Variants in PARN observed in about 807,000 individuals in gnomAD.
PARN encodes poly(A)-specific ribonuclease.
In PARN, 71 loss-of-function variants were observed where a neutral mutation model predicts 102.8. That is an observed-to-expected ratio of 0.69 (90% CI 0.57 to 0.84). The LOEUF is 0.84. Ranked by LOEUF, PARN falls within the 40% of genes least tolerant of loss-of-function variation. PARN has a pLI of 0.00. For missense variants in PARN, 782 were observed against 760.9 expected, an observed-to-expected ratio of 1.03 and a Z score of -0.33; for synonymous variants, 261 against 252.9, an observed-to-expected ratio of 1.03 and a Z score of -0.30.
intron 22 of PARN, among the ~76,000 whole-genome samples, chr16:14,455,267 T>C (rs1234885163): frequency 1.3e-5 from 2 of 152,258 alleles, no homozygotes; most frequent in African/African-American, 2.4e-5. Context: ...TTAGACTATA[T>C]ACGGCTTCAT....
intron 13 of PARN, 114 bp downstream of exon 13, chr16:14,593,187 A>G (rs773278547): frequency 1.6e-6 from 1 of 626,264 alleles, no homozygotes; most frequent in South Asian, 2.0e-5. Flanking sequence ...AACATGCTGC[A>G]TACAAGGAAA....
intron 18 of PARN, among the ~76,000 whole-genome samples, chr16:14,569,153 A>G (rs1399281785): frequency 6.6e-6 from 1 of 152,060 alleles, no homozygotes; most frequent in African/African-American, 2.4e-5. Context: ...TGAAGGTTGC[A>G]GTGAGACGAG....
At chr16:14,451,839 T>G in intron 22 of PARN, among the ~76,000 whole-genome samples, 1 of 80,006 alleles carries the variant, frequency 1.2e-5, no homozygotes, top group Admixed American at 2.0e-4. Flanking sequence ...AGAAACCCCG[T>G]CTCTAAAAAA....
At chr16:14,606,982 CGT>C (rs1971228171) in intron 9 of PARN, among the ~76,000 whole-genome samples, 1 of 151,828 alleles carries the variant, frequency 6.6e-6, no homozygotes, top group African/African-American at 2.4e-5. Flanking sequence ...GGGGTTTCAC[CGT>C]GTTAGCCAGG....
chr16:14,508,741 A>G (rs1468284276), intron 21 of PARN, among the ~76,000 whole-genome samples: 1 of 81,664 alleles, frequency 1.2e-5, no homozygotes, highest in African/African-American at 4.6e-5. Flanking sequence ...TGGAAACTTG[A>G]AAAAAAAAAA....
At chr16:14,584,141 C>G (rs1338033286) in intron 16 of PARN, among the ~76,000 whole-genome samples, 1 of 152,148 alleles carries the variant, frequency 6.6e-6, no homozygotes, top group Non-Finnish European at 1.5e-5. Flanking sequence ...AATGGCTACC[C>G]AACTCCATTA....
chr16:14,543,703 C>T (rs1022066403), intron 21 of PARN, among the ~76,000 whole-genome samples: 2 of 151,974 alleles, frequency 1.3e-5, no homozygotes, highest in African/African-American at 4.8e-5. Context: ...AAAAAGCCAG[C>T]AGAGAAATTA....
chr16:14,451,351 G>A (rs1016622213), intron 22 of PARN, among the ~76,000 whole-genome samples: 5 of 152,060 alleles, frequency 3.3e-5, no homozygotes, highest in Admixed American at 6.6e-5. Flanking sequence ...ACTTTAACTC[G>A]TTCATCTTAT....
intron 6 of PARN, among the ~76,000 whole-genome samples, chr16:14,612,049 T>C (rs559515348): frequency 6.6e-6 from 1 of 152,254 alleles, no homozygotes; most frequent in East Asian, 1.9e-4. Context: ...GGTGTAGAGA[T>C]GGCAGGGTAG....
intron 21 of PARN, among the ~76,000 whole-genome samples, chr16:14,530,771 C>T (rs2151668456): frequency 6.6e-6 from 1 of 152,260 alleles, no homozygotes; most frequent in South Asian, 2.1e-4. Flanking sequence ...TTCCCAAGGA[C>T]TGTACCAGGG....
intron 22 of PARN, among the ~76,000 whole-genome samples, chr16:14,459,140 T>C (rs2151570718): frequency 6.6e-6 from 1 of 152,318 alleles, no homozygotes; most frequent in Non-Finnish European, 1.5e-5. Context: ...ACAACTTCTA[T>C]TCAACAATGT....
At chr16:14,613,152 A>G (rs1971622895) in intron 6 of PARN, among the ~76,000 whole-genome samples, 1 of 151,770 alleles carries the variant, frequency 6.6e-6, no homozygotes, top group Admixed American at 6.6e-5. Flanking sequence ...TCTACTAAAA[A>G]TACAAAATTA....
intron 18 of PARN, among the ~76,000 whole-genome samples, chr16:14,570,920 G>C (rs999006252): frequency 1.3e-5 from 2 of 152,090 alleles, no homozygotes; most frequent in African/African-American, 4.8e-5. Flanking sequence ...AGAAGGTTGA[G>C]GGTGCAGTGA....
At chr16:14,448,359 G>A (rs1961296143) in intron 22 of PARN, among the ~76,000 whole-genome samples, 1 of 152,126 alleles carries the variant, frequency 6.6e-6, no homozygotes. Context: ...ATGTTGGCCA[G>A]GCTGGTCTCG....
At chr16:14,608,684 C>T (rs1462051022) in intron 8 of PARN, among the ~76,000 whole-genome samples, 1 of 152,182 alleles carries the variant, frequency 6.6e-6, no homozygotes, top group African/African-American at 2.4e-5. Flanking sequence ...CTTTGAAATG[C>T]TAATGTTCTC....
In PARN at chr16:14,537,083, A is replaced by G. The variant is rs1372511826; in HGVS notation, c.1480+14938T>C. On this transcript the variant is annotated intron_variant, in intron 21 of 23. Transcript: ENST00000437198. ...TTCAGAATATACAAGAACTCAGACA[A>G]TTCAATGGCAAAGAACCCACATGAT... Among the ~76,000 whole-genome samples, 4 of 152,218 alleles carry G rather than the reference A, an allele frequency of 2.6e-5. No individual in the cohort carries two copies. In the South Asian group the frequency reaches 8.3e-4, roughly 32 times the overall value.
At chr16:14,492,235 G>A (rs1250275415) in intron 21 of PARN, among the ~76,000 whole-genome samples, 1 of 152,246 alleles carries the variant, frequency 6.6e-6, no homozygotes, top group Non-Finnish European at 1.5e-5. Context: ...AACTAGGGAA[G>A]ATAGTGGAGG....
intron 7 of PARN, among the ~76,000 whole-genome samples, chr16:14,609,751 T>C (rs1310938053): frequency 1.3e-5 from 2 of 152,156 alleles, no homozygotes; most frequent in Non-Finnish European, 2.9e-5. Flanking sequence ...CAGACACTTG[T>C]CCAAAATCAC....
Position 14,519,835 on chromosome 16 carries a change from A to G in PARN, c.1480+32186T>C, listed in dbSNP as rs140631213. Among the ~76,000 whole-genome samples, 213 of 152,306 alleles carry G rather than the reference A, an allele frequency of 1.4e-3. 1 individual carries two copies. The highest frequency in any genetic ancestry group is 5.0e-3 in the African/African-American group (209 of 41,552). On this transcript the variant is annotated intron_variant, in intron 21 of 23. Transcript: ENST00000437198. ...GACAAGTAAAAGTTTCTCTTTATAG[A>G]TATATTCCAACTAATAAAAGAAAAA...
Sources: gnomAD v4.1 joint callset for allele counts (sites outside exome capture counted in the v4.1 genomes callset) on GRCh38, gnomAD v4.1.1 for gene constraint, MANE v1.5 for transcripts, NCBI Gene and HGNC (gene_info 2026-07-23, HGNC 2026-07-21) for gene names.